FAM177A1: variants seen among roughly 807,000 people sequenced by gnomAD.
FAM177A1 encodes the protein family with sequence similarity 177 member A1, also known as protein FAM177A1.
Under a neutral mutation model 26.1 loss-of-function variants are expected in FAM177A1, and 22 were observed. The ratio of observed to expected loss-of-function variants is 0.84; its 90% CI spans 0.60 to 1.20. The LOEUF (loss-of-function observed/expected upper bound fraction) is 1.20, where lower values mean the gene tolerates loss of function less well. Among genes scored for constraint, FAM177A1 ranks in the 50% most tolerant of loss-of-function variants. The probability of loss-of-function intolerance (pLI) is 0.00; values close to 1 mark genes in which losing one functional copy is unlikely to be tolerated. For synonymous variants in FAM177A1, 95 were observed against 99.3 expected (o/e 0.96, Z 0.26); for missense variants, 296 against 291.1 (o/e 1.02, Z -0.12).
chr14:35,082,757 ATATC>A lies in FAM177A1; in HGVS notation c.*1533_*1536del, dbSNP rs1357639295. The stretch of plus-strand genomic sequence containing the variant: ...ACAGCATTAAGTTTTCAATTTTAAT[ATATC>A]TATATAAAATATAGTGTCAAAGAAA... On this transcript the variant is annotated 3_prime_UTR_variant, in exon 5 of 5. Coordinates refer to ENST00000280987, the MANE Select transcript of FAM177A1 (RefSeq NM_173607.5). 4 of 152,336 alleles carry A rather than the reference ATATC, an allele frequency of 2.6e-5. No homozygotes were observed. Among genetic ancestry groups the A allele is most frequent in the East Asian group, 1.9e-4 (1 of 5,186 alleles). 9.4% of individuals were successfully genotyped at this position (152,336 alleles called of 1,614,324 possible). A position where few individuals can be genotyped will look rare whatever the true frequency, so the allele number is the denominator to read the frequency against.
intron 1 of FAM177A1, among the ~76,000 whole-genome samples, chr14:35,049,411 A>G (rs1053351957): frequency 6.6e-6 from 1 of 152,196 alleles, no homozygotes; most frequent in South Asian, 2.1e-4. Context: ...GGAAGATGAC[A>G]AAGAATAAAT....
chr14:35,081,024 A>T lies in FAM177A1; in HGVS notation c.507A>T (p.Glu169Asp). Residue 169 changes from glutamate to aspartate, a missense_variant and splice_region_variant, in exon 5 of 5, where the codon GAA becomes GAT. Coordinates refer to ENST00000280987, the MANE Select transcript of FAM177A1 (RefSeq NM_173607.5). ...TTGATATTGCTCCTTTTTTTTAGGAAGAAGAAGAAGAAGAAGAAAACAGGA... is the reference window on the plus strand; with the variant it reads ...TTGATATTGCTCCTTTTTTTTAGGATGAAGAAGAAGAAGAAGAAAACAGGA... The part of the protein sequence containing the change: ...IDEYYRMKKE[E>D]EEEEEENRMS... 6.5e-7 allele frequency: 1 copy of T among 1,532,016 alleles called. No individual in the cohort carries two copies. Among genetic ancestry groups the T allele is most frequent in the East Asian group, 2.4e-5 (1 of 41,862 alleles). 94.9% of individuals were successfully genotyped at this position (1,532,016 alleles called of 1,614,324 possible).
intron 1 of FAM177A1, chr14:35,046,849 CTG>C (rs2044875509): frequency 1.5e-6 from 2 of 1,347,672 alleles, no homozygotes; most frequent in Non-Finnish European, 9.5e-7. Context: ...ACAGCAGACT[CTG>C]GGGCGGCCTC....
At chr14:35,053,763 G>T (rs950910750) in intron 2 of FAM177A1, among the ~76,000 whole-genome samples, 2 of 152,070 alleles carry the variant, frequency 1.3e-5, no homozygotes, top group Non-Finnish European at 2.9e-5. Flanking sequence ...AAGCTGAGGT[G>T]GGTGGATCAC....
chr14:35,075,226 C>T (rs1054087037), intron 2 of FAM177A1, among the ~76,000 whole-genome samples: 1 of 152,170 alleles, frequency 6.6e-6, no homozygotes, highest in Non-Finnish European at 1.5e-5. Context: ...AGATTAACTA[C>T]GTAGGTGTGC....
chr14:35,046,271 C>T (rs893295981), upstream of FAM177A1: 6 of 552,564 alleles, frequency 1.1e-5, no homozygotes, highest in Admixed American at 4.5e-5. Flanking sequence ...TTGCGCCTCC[C>T]AGACTGCAGT....
intron 2 of FAM177A1, among the ~76,000 whole-genome samples, chr14:35,064,760 C>G (rs901770346): frequency 2.0e-5 from 3 of 151,692 alleles, no homozygotes; most frequent in Non-Finnish European, 2.9e-5. Flanking sequence ...ACACCATTCT[C>G]CTTGCCTCAG....
intron 2 of FAM177A1, among the ~76,000 whole-genome samples, chr14:35,059,059 C>A (rs1187208207): frequency 6.6e-6 from 1 of 151,996 alleles, no homozygotes. Context: ...CCTCAGCCTC[C>A]CGAGTAGCTG....
chr14:35,066,142 C>T (rs2138551324), intron 2 of FAM177A1, among the ~76,000 whole-genome samples: 1 of 152,192 alleles, frequency 6.6e-6, no homozygotes, highest in East Asian at 1.9e-4. Context: ...TGATGGCTCA[C>T]TGTAGCCTTG....
chr14:35,066,882 C>T (rs1463558804), intron 2 of FAM177A1, among the ~76,000 whole-genome samples: 1 of 151,950 alleles, frequency 6.6e-6, no homozygotes, highest in East Asian at 1.9e-4. Context: ...CAACCTCTGC[C>T]TCCTGGGTTA....
At chr14:35,063,466 C>T (rs1359522716) in intron 2 of FAM177A1, among the ~76,000 whole-genome samples, 3 of 150,786 alleles carry the variant, frequency 2.0e-5, no homozygotes, top group Non-Finnish European at 4.4e-5. Flanking sequence ...TAATCCCAGC[C>T]GCTTGGGAGG....
rs1378122698 is a variant in FAM177A1, at chr14:35,081,103, A to G, written c.586A>G (p.Ile196Val). 6 of 1,613,680 alleles carry G rather than the reference A, an allele frequency of 3.7e-6. No homozygotes were observed. The highest frequency in any genetic ancestry group is 4.5e-5 in the East Asian group (2 of 44,814). The change falls in exon 5 of 5, where the codon ATT becomes GTT. Residue 196 changes from isoleucine (I) to valine (V), a missense_variant. By Grantham distance (29) the Ile-to-Val change is conservative (BLOSUM62 3). Coordinates refer to ENST00000280987, the MANE Select transcript of FAM177A1 (RefSeq NM_173607.5). ...ACAGAATAAATTGCAGACTGATTCCATTGTTCAGACAGATCAACCAGAGAC... is the reference window on the plus strand; with the variant it reads ...ACAGAATAAATTGCAGACTGATTCCGTTGTTCAGACAGATCAACCAGAGAC... Reference protein sequence around the residue: ...YQQNKLQTDSIVQTDQPETVI... With the variant: ...YQQNKLQTDSVVQTDQPETVI...
At chr14:35,046,190 T>C (rs529668721), upstream of FAM177A1, 23 of 302,382 alleles carry the variant, frequency 7.6e-5, no homozygotes, top group African/African-American at 4.1e-4. Context: ...GAGCTCTGGA[T>C]GCTTGCTTGG....
At chr14:35,047,703 C>G (rs1471775020) in intron 1 of FAM177A1, among the ~76,000 whole-genome samples, 1 of 152,098 alleles carries the variant, frequency 6.6e-6, no homozygotes, top group Non-Finnish European at 1.5e-5. Context: ...GAGCCGAGAT[C>G]ACGCCACTGC....
At chr14:35,074,846 G>T (rs1395652549) in intron 2 of FAM177A1, among the ~76,000 whole-genome samples, 1 of 151,828 alleles carries the variant, frequency 6.6e-6, no homozygotes, top group African/African-American at 2.4e-5. Flanking sequence ...TTTGAGACCA[G>T]CCTGGCCAAC....
chr14:35,081,481 T>C lies in FAM177A1; in HGVS notation c.*253T>C, dbSNP rs1316977809. On this transcript the variant is annotated 3_prime_UTR_variant, in exon 5 of 5. Coordinates refer to ENST00000280987, the MANE Select transcript of FAM177A1 (RefSeq NM_173607.5). ...TTTTAAAATGATCTTTTAAAAAAGT[T>C]AAGGACATCCTAGAGCCTTAATAGT... 1 of 295,970 alleles carries C rather than the reference T, an allele frequency of 3.4e-6. No individual in the cohort carries two copies. Among genetic ancestry groups the C allele is most frequent in the African/African-American group, 2.2e-5 (1 of 45,540 alleles). 18.3% of individuals were successfully genotyped at this position (295,970 alleles called of 1,614,324 possible).
At chr14:35,069,633 T>G (rs1405677794) in intron 2 of FAM177A1, among the ~76,000 whole-genome samples, 1 of 152,178 alleles carries the variant, frequency 6.6e-6, no homozygotes, top group East Asian at 1.9e-4. Flanking sequence ...CTTCACTTAA[T>G]GTTAAGAGCA....
At chr14:35,060,343 T>G (rs2045132529) in intron 2 of FAM177A1, among the ~76,000 whole-genome samples, 1 of 152,210 alleles carries the variant, frequency 6.6e-6, no homozygotes, top group Admixed American at 6.5e-5. Flanking sequence ...GATGTGATAC[T>G]GTTATACCTT....
intron 2 of FAM177A1, among the ~76,000 whole-genome samples, chr14:35,061,738 A>G (rs1243678902): frequency 1.3e-5 from 2 of 150,964 alleles, no homozygotes; most frequent in African/African-American, 4.9e-5. Context: ...CATTGTGCAC[A>G]TGTACCCTAA....
Sources: gnomAD v4.1 joint callset for allele counts (sites outside exome capture counted in the v4.1 genomes callset) on GRCh38, gnomAD v4.1.1 for gene constraint, MANE v1.5 for transcripts, NCBI Gene and HGNC (gene_info 2026-07-23, HGNC 2026-07-21) for gene names.